The following BRIP1 variants were observed in gnomAD, a reference collection of about 807,000 sequenced individuals.
BRIP1 encodes the protein BRCA1 interacting DNA helicase 1.
Under a neutral mutation model 119.7 loss-of-function variants are expected in BRIP1, and 88 were observed. The observed-to-expected ratio is 0.74, with a 90% CI of 0.62 to 0.88. BRIP1 has a LOEUF of 0.88. Among genes scored for constraint, BRIP1 ranks in the 40% least tolerant of loss-of-function variants. The probability of loss-of-function intolerance (pLI) is 0.00; values close to 1 mark genes in which losing one functional copy is unlikely to be tolerated. For missense variants in BRIP1, 1,259 were observed against 1,455.4 expected, an observed-to-expected ratio of 0.87 and a Z score of 2.20; for synonymous variants, 443 against 496.5, an observed-to-expected ratio of 0.89 and a Z score of 1.43.
In BRIP1 at chr17:61,799,248, T is replaced by C. The variant is rs786203967; in HGVS notation, c.1192A>G (p.Ile398Val). The part of the protein sequence containing the change: ...QVVILDEAHN[I>V]EDCARESASY... ...GCTGATTCCCGAGCACAGTCCTCGA[T>C]GTTATGAGCTTCATCTAAAATGACA... Residue 398 changes from isoleucine to valine, a missense_variant, in exon 9 of 20, where the codon ATC (isoleucine) becomes GTC (valine). Physicochemically the swap from Ile to Val is conservative, Grantham distance 29 (BLOSUM62 3). Transcript: ENST00000259008. The surrounding 1 kb of genome is among the most constrained non-coding windows in gnomAD (Gnocchi z 5.1). The C allele has an allele frequency of 6.2e-7, 1 of 1,613,486 alleles. No individual in the cohort carries two copies. Among genetic ancestry groups the C allele is most frequent in the African/African-American group, 1.3e-5 (1 of 74,918 alleles).
intron 19 of BRIP1, chr17:61,685,467 A>G (rs1165436365): frequency 4.0e-6 from 1 of 249,700 alleles, no homozygotes. Context: ...AATAACATCT[A>G]CCACTTACAT....
rs192660679 is a variant in BRIP1, at chr17:61,748,833, T to G, written c.2098-4242A>C. Among the ~76,000 whole-genome samples the G allele has an allele frequency of 3.4e-3, 521 of 152,268 alleles. 4 individuals are homozygous for G. Among genetic ancestry groups the G allele is most frequent in the African/African-American group, 0.012 (505 of 41,556 alleles). The stretch of plus-strand genomic sequence containing the variant: ...AAGTTCACTCAAAATGGATTAGACT[T>G]AAATGTAAGATTTCAAACTGTTGGC... On this transcript the variant is annotated intron_variant, in intron 14 of 19. Transcript: ENST00000259008. The surrounding 1 kb of genome is among the most constrained non-coding windows in gnomAD (Gnocchi z 4.7).
chr17:61,829,963 G>A (rs543305358), intron 6 of BRIP1, among the ~76,000 whole-genome samples: 12 of 147,932 alleles, frequency 8.1e-5, no homozygotes, highest in South Asian at 4.3e-4. Context: ...ACGGAGTTTC[G>A]CTCTTGTTGC....
intron 16 of BRIP1, among the ~76,000 whole-genome samples, chr17:61,741,380 C>T (rs1314590139): frequency 1.3e-5 from 2 of 152,196 alleles, no homozygotes; most frequent in African/African-American, 4.8e-5. Context: ...ATTCTGACCT[C>T]CTCCCATGAA....
chr17:61,841,713 G>A lies in BRIP1; in HGVS notation c.627+5388C>T, dbSNP rs2078660122. On this transcript the variant is annotated intron_variant, in intron 6 of 19. Transcript: ENST00000259008. This position sits in a 1 kb window ranked among gnomAD's most constrained non-coding sequence, Gnocchi z 4.1. ...GCAATCCTACTACTATTTATCCAAA[G>A]GAAAGAAAATCTAGAGTACAGTAGC... 6.6e-6 allele frequency among the ~76,000 whole-genome samples: 1 copy of A among 152,038 alleles called. No individual in the cohort carries two copies. The highest frequency in any genetic ancestry group is 1.5e-5 in the Non-Finnish European group (1 of 68,012).
chr17:61,768,124 T>C lies in BRIP1; in HGVS notation c.2097+8277A>G, dbSNP rs561013628. On this transcript the variant is annotated intron_variant, in intron 14 of 19. Transcript: ENST00000259008. The surrounding 1 kb of genome is among the most constrained non-coding windows in gnomAD (Gnocchi z 5.0). ...CTTGAAGAGACAGTAACTTGTTTAT[T>C]TTTGAATCTTTAACAGGACTTAGTG... Among the ~76,000 whole-genome samples the C allele has an allele frequency of 1.3e-5, 2 of 152,352 alleles. No homozygotes were observed. Among genetic ancestry groups the C allele is most frequent in the Admixed American group, 1.3e-4 (2 of 15,290 alleles).
rs1023887429 is a variant in BRIP1, at chr17:61,729,273, C to T, written c.2380-13210G>A. ...CAGCCTGGGAAACAAAAGCAAACTC[C>T]GTCTCAAAAACAAAACAAAACAAAA... is the stretch of plus-strand genomic sequence containing the variant. On this transcript the variant is annotated intron_variant, in intron 16 of 19. Coordinates refer to ENST00000259008, the MANE Select transcript of BRIP1 (RefSeq NM_032043.3). The surrounding 1 kb of genome is among the most constrained non-coding windows in gnomAD (Gnocchi z 5.6). Among the ~76,000 whole-genome samples the T allele has an allele frequency of 2.0e-5, 3 of 151,604 alleles. No individual in the cohort carries two copies. The highest frequency in any genetic ancestry group is 4.8e-5 in the African/African-American group (2 of 41,268).
chr17:61,793,190 T>G lies in BRIP1; in HGVS notation c.1473+407A>C, dbSNP rs928267829. ...GCATATAGCTTCATAAGTTTCATAG[T>G]CTTCCAAAGCCTACTCATGATCTCT... On this transcript the variant is annotated intron_variant, in intron 10 of 19. Coordinates refer to ENST00000259008, the MANE Select transcript of BRIP1 (RefSeq NM_032043.3). The surrounding 1 kb of genome is among the most constrained non-coding windows in gnomAD (Gnocchi z 5.2). Among the ~76,000 whole-genome samples the G allele has an allele frequency of 1.3e-5, 2 of 152,278 alleles. No homozygotes were observed. The highest frequency in any genetic ancestry group is 4.1e-4 in the South Asian group (2 of 4,828).
chr17:61,727,770 GTCTC>G (rs113514842), intron 16 of BRIP1, among the ~76,000 whole-genome samples: 5,514 of 140,256 alleles, frequency 0.039, 389 homozygotes, highest in African/African-American at 0.14. Context: ...CTGTCTGTCT[GTCTC>G]TCTCTCTCTC....
Position 61,770,736 on chromosome 17 carries a change from A to G in BRIP1, c.2097+5665T>C, listed in dbSNP as rs902850524. ...AATATAATTCCTAGGACAACCACTA[A>G]GAAAATAACTAAAAAATACACAGTA... On this transcript the variant is annotated intron_variant, in intron 14 of 19. Transcript: ENST00000259008. This position sits in a 1 kb window ranked among gnomAD's most constrained non-coding sequence, Gnocchi z 4.7. 1.3e-5 allele frequency among the ~76,000 whole-genome samples: 2 copies of G among 152,202 alleles called. No individual in the cohort carries two copies. The highest frequency in any genetic ancestry group is 2.9e-5 in the Non-Finnish European group (2 of 68,034).
Position 61,679,170 on chromosome 17 carries a change from A to T in BRIP1, c.*4126T>A, listed in dbSNP as rs1451212583. ...AAATGCGTTTTAATATAGGAAAGTA[A>T]TACAAAAAAGTCCAGTTGCAGAAAA... On this transcript the variant is annotated 3_prime_UTR_variant, in exon 20 of 20. Transcript: ENST00000259008. This position sits in a 1 kb window ranked among gnomAD's most constrained non-coding sequence, Gnocchi z 4.4. 6.6e-6 allele frequency among the ~76,000 whole-genome samples: 1 copy of T among 152,222 alleles called. No individual in the cohort carries two copies. Among genetic ancestry groups the T allele is most frequent in the African/African-American group, 2.4e-5 (1 of 41,464 alleles).
chr17:61,830,665 TTAAAAG>T (rs1232919353), intron 6 of BRIP1, among the ~76,000 whole-genome samples: 1 of 152,110 alleles, frequency 6.6e-6, no homozygotes, highest in Non-Finnish European at 1.5e-5. Flanking sequence ...AAAATTAAAT[TTAAAAG>T]TAAAAGTCTT....
intron 17 of BRIP1, among the ~76,000 whole-genome samples, chr17:61,698,843 T>C (rs2061567038): frequency 6.6e-6 from 1 of 152,042 alleles, no homozygotes; most frequent in African/African-American, 2.4e-5. Flanking sequence ...GTCTCCTGAA[T>C]AGCTGGGATT....
chr17:61,835,435 G>C (rs908677882), intron 6 of BRIP1, among the ~76,000 whole-genome samples: 5 of 151,992 alleles, frequency 3.3e-5, no homozygotes, highest in Admixed American at 6.6e-5. Context: ...ACCAAATGCT[G>C]GCAGGCTGAA....
In BRIP1 at chr17:61,814,283, A is replaced by G. The variant is rs2078205966; in HGVS notation, c.628-5526T>C. ...ATGTTAAACTTCTATTTAAAGATAC[A>G]TATTCCTTAAAGAAGGAAAGAAAAA... On this transcript the variant is annotated intron_variant, in intron 6 of 19. Transcript: ENST00000259008. The surrounding 1 kb of genome is among the most constrained non-coding windows in gnomAD (Gnocchi z 4.9). 6.6e-6 allele frequency among the ~76,000 whole-genome samples: 1 copy of G among 152,110 alleles called. No homozygotes were observed. Among genetic ancestry groups the G allele is most frequent in the Non-Finnish European group, 1.5e-5 (1 of 67,922 alleles).
rs1352026725 is a variant in BRIP1, at chr17:61,853,618, A to C, written c.379+3440T>G. Among the ~76,000 whole-genome samples the C allele has an allele frequency of 1.4e-4, 22 of 152,190 alleles. No individual in the cohort carries two copies. Among genetic ancestry groups the C allele is most frequent in the Non-Finnish European group, 7.4e-5 (5 of 68,022 alleles). On this transcript the variant is annotated intron_variant, in intron 4 of 19. Coordinates refer to ENST00000259008, the MANE Select transcript of BRIP1 (RefSeq NM_032043.3). The surrounding 1 kb of genome is among the most constrained non-coding windows in gnomAD (Gnocchi z 4.3). ...CATATGGATAACTCATTGTTGATAAAGACACAAAGGCAATGTAGTGGATAA... is the reference window on the plus strand; with the variant it reads ...CATATGGATAACTCATTGTTGATAACGACACAAAGGCAATGTAGTGGATAA...
chr17:61,787,450 T>C (rs2145185157), intron 10 of BRIP1, among the ~76,000 whole-genome samples: 1 of 137,610 alleles, frequency 7.3e-6, no homozygotes, highest in East Asian at 2.0e-4. Flanking sequence ...ATATATTATA[T>C]ATAAATATAT....
rs1567799060 is a variant in BRIP1, at chr17:61,765,414, TATATATA to T, written c.2097+10980_2097+10986del. ...ATATATATATATATATATATATATA[TATATATA>T]TATTTTTTTTTTTTTTTTTTTTTTT... On this transcript the variant is annotated intron_variant, in intron 14 of 19. Transcript: ENST00000259008. Among the ~76,000 whole-genome samples, 52 of 16,930 alleles carry T rather than the reference TATATATA, an allele frequency of 3.1e-3. 1 individual carries two copies. The highest frequency in any genetic ancestry group is 5.5e-3 in the African/African-American group (19 of 3,428). 11.1% of individuals were successfully genotyped at this position (16,930 alleles called of 152,430 possible).
rs980093215 is a variant in BRIP1, at chr17:61,703,920, A to G, written c.2493-10408T>C. On this transcript the variant is annotated intron_variant, in intron 17 of 19. Transcript: ENST00000259008. This position sits in a 1 kb window ranked among gnomAD's most constrained non-coding sequence, Gnocchi z 5.0. ...CAATTGCTTTTGAGGACTTAGTCAC[A>G]AATTCTTTGCCAAATCTGATGTTTA... is the stretch of plus-strand genomic sequence containing the variant. Among the ~76,000 whole-genome samples, 2 of 152,148 alleles carry G rather than the reference A, an allele frequency of 1.3e-5. No homozygotes were observed. Among genetic ancestry groups the G allele is most frequent in the Non-Finnish European group, 2.9e-5 (2 of 68,016 alleles).
Sources: allele counts gnomAD v4.1 joint callset (sites outside exome capture counted in the v4.1 genomes callset), GRCh38; gene constraint gnomAD v4.1.1; non-coding constraint Gnocchi (gnomAD v3.1); transcripts MANE v1.5; gene names NCBI Gene and HGNC (gene_info 2026-07-23, HGNC 2026-07-21).